Variants in MAF observed in about 807,000 individuals in gnomAD.
MAF encodes the protein MAF bZIP transcription factor.
Under a neutral mutation model 22.0 loss-of-function variants are expected in MAF, and 10 were observed. That is an observed-to-expected ratio of 0.45 (90% CI 0.28 to 0.77). The LOEUF is 0.77. MAF is among the 30% of genes least tolerant of loss of function. MAF has a pLI of 0.12. For synonymous variants in MAF, 337 were observed against 255.8 expected (o/e 1.32, Z -3.03); for missense variants, 544 against 548.4 (o/e 0.99, Z 0.08).
At chr16:79,556,006 G>A in the MAF span, among the ~76,000 whole-genome samples, 1 of 138,612 alleles carries the variant, frequency 7.2e-6, no homozygotes, top group African/African-American at 2.5e-5. Context: ...TGTTTAGTTT[G>A]TTTTGTTAGT....
the MAF span, among the ~76,000 whole-genome samples, chr16:79,474,733 G>C: frequency 6.6e-6 from 1 of 152,074 alleles, no homozygotes; most frequent in Non-Finnish European, 1.5e-5. Context: ...GGAAATCCTT[G>C]AGCATGAGCA....
At chr16:79,322,315 AG>A in the MAF span, among the ~76,000 whole-genome samples, 3 of 152,288 alleles carry the variant, frequency 2.0e-5, no homozygotes, top group Admixed American at 6.5e-5. Flanking sequence ...ATCGGCACTC[AG>A]GGGGTCACCA....
the MAF span, chr16:79,212,876 A>C: frequency 5.3e-5 from 8 of 151,854 alleles, no homozygotes; most frequent in Admixed American, 1.3e-4. Context: ...AAGTTGTCTC[A>C]CGCGATTAGC....
chr16:79,211,476 T>G, the MAF span: 1 of 1,174,618 alleles, frequency 8.5e-7, no homozygotes. Flanking sequence ...CCCAGTACCC[T>G]TTGCTATGCC....
At chr16:79,528,068 G>C in the MAF span, among the ~76,000 whole-genome samples, 1 of 152,180 alleles carries the variant, frequency 6.6e-6, no homozygotes, top group South Asian at 2.1e-4. Flanking sequence ...CTTGAACCTG[G>C]GAGGTGGAGG....
At chr16:79,205,164 C>G in the MAF span, 2 of 152,240 alleles carry the variant, frequency 1.3e-5, no homozygotes, top group African/African-American at 4.8e-5. Context: ...GCACTCTTCC[C>G]CCTGCATGCG....
the MAF span, among the ~76,000 whole-genome samples, chr16:79,528,574 T>A: frequency 6.6e-6 from 1 of 151,834 alleles, no homozygotes; most frequent in Non-Finnish European, 1.5e-5. Flanking sequence ...CCCTGGTGAA[T>A]GTCACAACCA....
At chr16:79,290,687 C>T in the MAF span, among the ~76,000 whole-genome samples, 1 of 152,064 alleles carries the variant, frequency 6.6e-6, no homozygotes, top group African/African-American at 2.4e-5. Context: ...CTTTGAGACA[C>T]TGTGTGATCT....
At chr16:79,387,557 C>T in the MAF span, among the ~76,000 whole-genome samples, 1 of 152,110 alleles carries the variant, frequency 6.6e-6, no homozygotes, top group East Asian at 1.9e-4. Context: ...CAATGGCGAC[C>T]AGTGCACTCC....
the MAF span, among the ~76,000 whole-genome samples, chr16:79,491,938 C>G: frequency 6.6e-6 from 1 of 152,156 alleles, no homozygotes; most frequent in African/African-American, 2.4e-5. Flanking sequence ...AACAGGTCTC[C>G]TCTCCCACTT....
At chr16:79,469,031 G>A in the MAF span, among the ~76,000 whole-genome samples, 104 of 152,262 alleles carry the variant, frequency 6.8e-4, no homozygotes, top group South Asian at 1.2e-3. Flanking sequence ...TATGCTAGCA[G>A]GCATTTATTC....
the MAF span, among the ~76,000 whole-genome samples, chr16:79,398,435 A>C: frequency 1.7e-4 from 26 of 152,330 alleles, no homozygotes; most frequent in African/African-American, 6.3e-4. Context: ...TAGAGCACAG[A>C]TATCTTTTAG....
the MAF span, among the ~76,000 whole-genome samples, chr16:79,219,859 T>C: frequency 6.6e-6 from 1 of 152,218 alleles, no homozygotes; most frequent in East Asian, 1.9e-4. Flanking sequence ...TGAATGTGGC[T>C]TTATGTTTAT....
the MAF span, among the ~76,000 whole-genome samples, chr16:79,234,587 T>C: frequency 3.9e-5 from 6 of 152,118 alleles, no homozygotes. Context: ...AAAAGTCGGC[T>C]TCAGGACCTC....
chr16:79,355,506 G>C, the MAF span, among the ~76,000 whole-genome samples: 1 of 152,196 alleles, frequency 6.6e-6, no homozygotes, highest in Non-Finnish European at 1.5e-5. Flanking sequence ...GAAGGAGCCT[G>C]GAATTTGGTG....
the MAF span, among the ~76,000 whole-genome samples, chr16:79,244,396 A>T: frequency 6.6e-6 from 1 of 152,132 alleles, no homozygotes; most frequent in Admixed American, 6.6e-5. Context: ...ATGTGCAAAA[A>T]TCACAAGCAG....
At chr16:79,476,850 C>G in the MAF span, among the ~76,000 whole-genome samples, 2 of 152,180 alleles carry the variant, frequency 1.3e-5, no homozygotes, top group Admixed American at 6.5e-5. Context: ...GTCTCCATCA[C>G]TGACATTTTT....
chr16:79,480,175 C>A, the MAF span, among the ~76,000 whole-genome samples: 3 of 152,038 alleles, frequency 2.0e-5, no homozygotes, highest in Non-Finnish European at 4.4e-5. Flanking sequence ...ACAGTAAACG[C>A]GTGAGTATCC....
chr16:79,573,251 G>C, the MAF span, among the ~76,000 whole-genome samples: 2 of 152,094 alleles, frequency 1.3e-5, no homozygotes, highest in Non-Finnish European at 1.5e-5. Context: ...TTGTGCTTTT[G>C]CTCTGCATAA....
Sources: gnomAD v4.1 joint callset for allele counts (sites outside exome capture counted in the v4.1 genomes callset) on GRCh38, gnomAD v4.1.1 for gene constraint, MANE v1.5 for transcripts, NCBI Gene and HGNC (gene_info 2026-07-23, HGNC 2026-07-21) for gene names.